The following CHRM3 variants were observed in gnomAD, a reference collection of about 807,000 sequenced individuals.
The protein encoded by CHRM3 is cholinergic receptor muscarinic 3, also known as muscarinic acetylcholine receptor M3.
CHRM3 carries 11 observed loss-of-function variants against 41.8 expected under a neutral mutation model. That is an observed-to-expected ratio of 0.26 (90% confidence interval 0.17 to 0.44). The LOEUF (loss-of-function observed/expected upper bound fraction) is 0.44, where lower values mean the gene tolerates loss of function less well. Among genes scored for constraint, CHRM3 ranks in the 20% least tolerant of loss-of-function variants. The pLI, the probability that CHRM3 is intolerant of heterozygous loss-of-function variation, is 1.00. For synonymous variants in CHRM3, 297 were observed against 301.4 expected, an observed-to-expected ratio of 0.99 and a Z score of 0.15; for missense variants, 571 against 745.4, an observed-to-expected ratio of 0.77 and a Z score of 2.72.
intron 4 of CHRM3, among the ~76,000 whole-genome samples, chr1:239,634,715 A>G (rs1214266806): frequency 6.6e-6 from 1 of 152,216 alleles, no homozygotes; most frequent in Non-Finnish European, 1.5e-5. Context: ...AAACTAAGTC[A>G]TATAATGAAA....
intron 4 of CHRM3, among the ~76,000 whole-genome samples, chr1:239,676,714 C>T (rs1658036542): frequency 6.6e-6 from 1 of 152,140 alleles, no homozygotes; most frequent in Admixed American, 6.5e-5. Flanking sequence ...AACCTCAGTT[C>T]CCCTAGCACA....
At chr1:239,901,023 T>C (rs1023365281) in intron 6 of CHRM3, among the ~76,000 whole-genome samples, 4 of 152,138 alleles carry the variant, frequency 2.6e-5, no homozygotes, top group African/African-American at 9.7e-5. Context: ...TGAGTTTACG[T>C]CTTAGGCAAG....
chr1:239,484,978 C>T (rs1353044757), intron 1 of CHRM3, among the ~76,000 whole-genome samples: 2 of 152,060 alleles, frequency 1.3e-5, no homozygotes, highest in African/African-American at 2.4e-5. Flanking sequence ...TATACTTTCA[C>T]CAGTCTAAAT....
chr1:239,454,229 T>A (rs1664762864), intron 1 of CHRM3, among the ~76,000 whole-genome samples: 2 of 152,156 alleles, frequency 1.3e-5, no homozygotes, highest in Admixed American at 1.3e-4. Context: ...GAGCTTCTGA[T>A]AACTATAAAT....
chr1:239,447,896 CTTGTT>C (rs1664268735), intron 1 of CHRM3, among the ~76,000 whole-genome samples: 1 of 152,180 alleles, frequency 6.6e-6, no homozygotes. Context: ...TTAATATCTT[CTTGTT>C]TTTTGTCTGG....
intron 6 of CHRM3, among the ~76,000 whole-genome samples, chr1:239,857,835 C>T (rs559642755): frequency 1.3e-5 from 2 of 152,230 alleles, no homozygotes; most frequent in South Asian, 4.1e-4. Context: ...TGTGCAATTA[C>T]CATAGGTCTT....
chr1:239,612,718 C>G (rs1031844056), intron 3 of CHRM3, among the ~76,000 whole-genome samples: 8 of 152,170 alleles, frequency 5.3e-5, no homozygotes, highest in African/African-American at 1.9e-4. Flanking sequence ...TATCACAGTT[C>G]TTACAGGAGC....
intron 5 of CHRM3, among the ~76,000 whole-genome samples, chr1:239,726,476 C>G (rs1391255389): frequency 6.6e-6 from 1 of 151,814 alleles, no homozygotes; most frequent in Non-Finnish European, 1.5e-5. Context: ...ACCTGATGTT[C>G]ATTTGCCTCG....
intron 5 of CHRM3, among the ~76,000 whole-genome samples, chr1:239,744,805 G>A (rs918682499): frequency 6.6e-6 from 1 of 152,168 alleles, no homozygotes; most frequent in Non-Finnish European, 1.5e-5. Context: ...TCCCTACTGA[G>A]TGTTTAAAGC....
chr1:239,692,285 T>A (rs189657859), intron 5 of CHRM3, among the ~76,000 whole-genome samples: 2 of 152,154 alleles, frequency 1.3e-5, no homozygotes, highest in South Asian at 4.1e-4. Flanking sequence ...ATCTATAAAG[T>A]TTACATGAAC....
intron 5 of CHRM3, among the ~76,000 whole-genome samples, chr1:239,684,868 G>T (rs547031312): frequency 3.4e-4 from 52 of 152,216 alleles, no homozygotes; most frequent in African/African-American, 1.2e-3. Flanking sequence ...GAGAGAGTGA[G>T]ATTGGAGATT....
rs144750766 is a variant in CHRM3 at position 239,733,310 on chromosome 1, A to G, written c.-147+55022A>G. ...TCTGGAGAGCTCCCCCAAAGTACGCATAGTTGAAAGAGGGGGAAGAAGGAC... is the reference window on the plus strand; with the variant it reads ...TCTGGAGAGCTCCCCCAAAGTACGCGTAGTTGAAAGAGGGGGAAGAAGGAC... On this transcript the variant is annotated intron_variant, in intron 5 of 6. Coordinates refer to ENST00000676153, the MANE Select transcript of CHRM3 (RefSeq NM_001375978.1). Among the ~76,000 whole-genome samples, 454 of 152,192 alleles carry G rather than the reference A, an allele frequency of 3.0e-3. 4 individuals carry two copies. The highest frequency in any genetic ancestry group is 0.01 in the African/African-American group (420 of 41,556).
chr1:239,681,194 G>T (rs1035366552), intron 5 of CHRM3, among the ~76,000 whole-genome samples: 3 of 152,136 alleles, frequency 2.0e-5, no homozygotes, highest in African/African-American at 7.2e-5. Flanking sequence ...ATTGGGTTTT[G>T]GGTGGGGACA....
In CHRM3 at chr1:239,910,304, AAT is replaced by A. The variant is rs201823094; in HGVS notation, c.*1091_*1092del. On this transcript the variant is annotated 3_prime_UTR_variant, in exon 7 of 7. Transcript: ENST00000676153. Reference sequence around the variant, plus strand: ...GTCACGTTTGAATGTCATACACAGCAATATATATATATGTGTATATATATATA... The same window carrying A: ...GTCACGTTTGAATGTCATACACAGCAATATATATATGTGTATATATATATA... 10 of 159,722 alleles carry A rather than the reference AAT, an allele frequency of 6.3e-5. No homozygotes were observed. Among genetic ancestry groups the A allele is most frequent in the East Asian group, 1.9e-4 (1 of 5,134 alleles). The allele number at this position is 159,722 out of a possible 1,614,324, so 9.9% of individuals were successfully genotyped here. A position where few individuals can be genotyped will look rare whatever the true frequency, so the allele number is the denominator to read the frequency against.
chr1:239,442,981 G>A (rs980414621), intron 1 of CHRM3, among the ~76,000 whole-genome samples: 8 of 152,132 alleles, frequency 5.3e-5, no homozygotes, highest in Non-Finnish European at 1.2e-4. Context: ...GACAAATAAG[G>A]ATAAAATACC....
At chr1:239,518,201 C>T (rs1013135826) in intron 2 of CHRM3, among the ~76,000 whole-genome samples, 2 of 152,192 alleles carry the variant, frequency 1.3e-5, no homozygotes, top group Non-Finnish European at 2.9e-5. Context: ...CTAAGTTACT[C>T]AAATACATTT....
At chr1:239,673,409 C>T (rs1573233446) in intron 4 of CHRM3, among the ~76,000 whole-genome samples, 1 of 152,238 alleles carries the variant, frequency 6.6e-6, no homozygotes, top group African/African-American at 2.4e-5. Context: ...TTTCATCATA[C>T]TCTCTAAGTG....
rs955442209 is a variant in CHRM3 at position 239,442,871 on chromosome 1, G to A, written c.-520-49838G>A. Among the ~76,000 whole-genome samples the A allele has an allele frequency of 5.3e-5, 8 of 152,340 alleles. No homozygotes were observed. In the South Asian group the frequency reaches 1.0e-3, roughly 20 times the overall value. On this transcript the variant is annotated intron_variant, in intron 1 of 6. Coordinates refer to ENST00000676153, the MANE Select transcript of CHRM3 (RefSeq NM_001375978.1). ...GTGGAGTGAATTTCTCTGTCTGGCA[G>A]TGGATACATTAGTTGTTCCTGTGCG... is the stretch of plus-strand genomic sequence containing the variant.
intron 6 of CHRM3, among the ~76,000 whole-genome samples, chr1:239,831,606 T>G (rs685548): frequency 0.57 from 86,673 of 152,056 alleles, 24,943 homozygotes; most frequent in Admixed American, 0.63. Flanking sequence ...CTGATGGAAC[T>G]GTTGAGAATC....
Sources: allele counts gnomAD v4.1 joint callset (sites outside exome capture counted in the v4.1 genomes callset), GRCh38; gene constraint gnomAD v4.1.1; transcripts MANE v1.5; gene names NCBI Gene and HGNC (gene_info 2026-07-23, HGNC 2026-07-21).